The following RAPGEF4 variants were observed in gnomAD, a reference collection of about 807,000 sequenced individuals.
The protein encoded by RAPGEF4 is Rap guanine nucleotide exchange factor 4.
In RAPGEF4, 66 loss-of-function variants were observed where a neutral mutation model predicts 147.9. The observed-to-expected ratio is 0.45, with a 90% CI of 0.37 to 0.55. RAPGEF4 has a LOEUF of 0.55. Among genes scored for constraint, RAPGEF4 ranks in the 20% least tolerant of loss-of-function variants. RAPGEF4 has a pLI of 0.00. For synonymous variants in RAPGEF4, 419 were observed against 442.7 expected, an observed-to-expected ratio of 0.95 and a Z score of 0.67; for missense variants, 1,071 against 1,257.3, an observed-to-expected ratio of 0.85 and a Z score of 2.24.
At chr2:173,021,384 G>C (rs1696071723) in intron 23 of RAPGEF4, among the ~76,000 whole-genome samples, 1 of 152,224 alleles carries the variant, frequency 6.6e-6, no homozygotes, top group South Asian at 2.1e-4. Flanking sequence ...AGAGGGTAGA[G>C]AAACTGGTTT....
intron 4 of RAPGEF4, among the ~76,000 whole-genome samples, chr2:172,869,603 A>G (rs1694996290): frequency 6.6e-6 from 1 of 152,184 alleles, no homozygotes; most frequent in Non-Finnish European, 1.5e-5. Flanking sequence ...CCTCTTAGCC[A>G]TCCACCCTCT....
chr2:172,760,436 A>T (rs1320815146), intron 1 of RAPGEF4, among the ~76,000 whole-genome samples: 7 of 152,244 alleles, frequency 4.6e-5, no homozygotes, highest in African/African-American at 1.7e-4. Context: ...AAGTGAATGG[A>T]GGCTGGGCGT....
At chr2:172,751,200 T>TA (rs1695254610) in intron 1 of RAPGEF4, among the ~76,000 whole-genome samples, 1 of 152,228 alleles carries the variant, frequency 6.6e-6, no homozygotes, top group Non-Finnish European at 1.5e-5. Context: ...ACTTTCCTAC[T>TA]GTCATTCACT....
rs1686294122 is a variant in RAPGEF4, at chr2:173,051,993, G to C, written c.*226G>C. On this transcript the variant is annotated 3_prime_UTR_variant, in exon 31 of 31. Transcript: ENST00000397081. ...ACTCTAGCTTAGGAATCCCCAGTTT[G>C]TGGCTACCCTGTTTCATTTCCACTT... 4 of 366,846 alleles carry C rather than the reference G, an allele frequency of 1.1e-5. No individual in the cohort carries two copies. In the Admixed American group the frequency reaches 1.7e-4, roughly 16 times the overall value. The allele number at this position is 366,846 out of a possible 1,614,324, so 22.7% of individuals were successfully genotyped here.
chr2:172,917,760 A>G (rs763631863), intron 4 of RAPGEF4, 42 bp from the exon 5 acceptor site: 1 of 1,516,650 alleles, frequency 6.6e-7, no homozygotes, highest in Non-Finnish European at 9.1e-7. Context: ...TGCTCAAAGC[A>G]AGTAAATATC....
chr2:172,988,933 T>C (rs529953746), intron 14 of RAPGEF4, 94 bp downstream of exon 14: 2 of 1,363,038 alleles, frequency 1.5e-6, no homozygotes, highest in Non-Finnish European at 1.0e-6. Context: ...TGAGTAGTCC[T>C]GTGATGAATG....
At chr2:173,050,650 T>A (rs1428089400) in intron 30 of RAPGEF4, among the ~76,000 whole-genome samples, 1 of 150,952 alleles carries the variant, frequency 6.6e-6, no homozygotes, top group Non-Finnish European at 1.5e-5. Flanking sequence ...CCCACAGAGG[T>A]GTTGGGTCTA....
intron 3 of RAPGEF4, 116 bp downstream of exon 3, chr2:172,797,729 A>G: frequency 2.6e-6 from 2 of 774,480 alleles, no homozygotes; most frequent in Non-Finnish European, 4.2e-6. Flanking sequence ...TTCCCACAAT[A>G]AGGAGTTCAG....
In RAPGEF4 at chr2:173,030,203, C is replaced by T. The variant is rs202008176; in HGVS notation, c.2598C>T (p.Ile866=). The T allele has an allele frequency of 1.7e-5, 28 of 1,613,628 alleles. No individual in the cohort carries two copies. Among genetic ancestry groups the T allele is most frequent in the African/African-American group, 8.0e-5 (6 of 75,024 alleles). The part of the protein sequence containing the change: ...EYKNLNSFFA[I]VMGLSNVAVS... The stretch of plus-strand genomic sequence containing the variant: ...AAAATCTGAATTCCTTTTTTGCCAT[C>T]GTCATGGGACTAAGTAACGTTGCTG... The change falls in exon 26 of 31, where the codon ATC becomes ATT. Residue 866 remains isoleucine (I), a synonymous_variant. Transcript: ENST00000397081.
At chr2:172,989,018 A>T (rs1692559911) in intron 14 of RAPGEF4, among the ~76,000 whole-genome samples, 179 bp downstream of exon 14, 1 of 152,224 alleles carries the variant, frequency 6.6e-6, no homozygotes, top group African/African-American at 2.4e-5. Flanking sequence ...TGGGATCCAG[A>T]GGTTGTATTC....
chr2:172,951,812 G>A (rs1027761919), intron 6 of RAPGEF4, among the ~76,000 whole-genome samples: 1 of 152,170 alleles, frequency 6.6e-6, no homozygotes, highest in Non-Finnish European at 1.5e-5. Context: ...AGCCATTGGA[G>A]GATTTGGGGC....
chr2:172,748,672 C>T (rs144929000), intron 1 of RAPGEF4, among the ~76,000 whole-genome samples: 1,648 of 152,262 alleles, frequency 0.011, 14 homozygotes, highest in South Asian at 0.039. Flanking sequence ...AATCTCATGT[C>T]CTCACATTTC....
intron 4 of RAPGEF4, among the ~76,000 whole-genome samples, chr2:172,885,960 G>A (rs563765368): frequency 2.6e-5 from 4 of 152,136 alleles, no homozygotes; most frequent in Admixed American, 1.3e-4. Flanking sequence ...CTGCACTTCA[G>A]TATGTCTGAG....
Position 172,986,355 on chromosome 2 carries a change from GCT to G in RAPGEF4, c.1150+865_1150+866del, listed in dbSNP as rs1346284867. Among the ~76,000 whole-genome samples, 3 of 152,166 alleles carry G rather than the reference GCT, an allele frequency of 2.0e-5. No homozygotes were observed. In the East Asian group the frequency reaches 5.8e-4, roughly 29 times the overall value. On this transcript the variant is annotated intron_variant, in intron 12 of 30. Coordinates refer to ENST00000397081, the MANE Select transcript of RAPGEF4 (RefSeq NM_007023.4). ...CTTTAGAGACAGTTTGGAAAATCTTGCTCTTTCTTCAGGCTACATTGTATGAG... is the reference window on the plus strand; with the variant it reads ...CTTTAGAGACAGTTTGGAAAATCTTGCTTTCTTCAGGCTACATTGTATGAG...
Position 172,917,523 on chromosome 2 carries a change from A to T in RAPGEF4, c.445-279A>T, listed in dbSNP as rs201989048. 6.1e-4 allele frequency: 397 copies of T among 646,724 alleles called. 1 individual carries two copies. The highest frequency in any genetic ancestry group is 1.0e-3 in the Non-Finnish European group (357 of 346,390). 40.1% of individuals were successfully genotyped at this position (646,724 alleles called of 1,614,324 possible). ...GTTGGGGAGGGGTGCAGGGGGTGCT[A>T]AATATCCCACACAATTCAGGCAGCC... On this transcript the variant is annotated intron_variant, in intron 4 of 30. Transcript: ENST00000397081.
intron 4 of RAPGEF4, among the ~76,000 whole-genome samples, chr2:172,910,306 G>C (rs968028696): frequency 6.6e-6 from 1 of 152,148 alleles, no homozygotes; most frequent in Non-Finnish European, 1.5e-5. Context: ...AACACAAATA[G>C]TGTCTGCACA....
chr2:172,746,009 TA>T (rs1694735172), intron 1 of RAPGEF4, among the ~76,000 whole-genome samples: 1 of 152,248 alleles, frequency 6.6e-6, no homozygotes, highest in Non-Finnish European at 1.5e-5. Flanking sequence ...AAGATTGTAG[TA>T]TATTTTAGAA....
intron 4 of RAPGEF4, among the ~76,000 whole-genome samples, chr2:172,884,305 G>A (rs1410712024): frequency 6.6e-6 from 1 of 152,190 alleles, no homozygotes; most frequent in Non-Finnish European, 1.5e-5. Context: ...CTGTAATTTG[G>A]ATAACCAACA....
At chr2:172,770,847 A>G (rs1683493787) in intron 1 of RAPGEF4, among the ~76,000 whole-genome samples, 2 of 152,256 alleles carry the variant, frequency 1.3e-5, no homozygotes, top group African/African-American at 2.4e-5. Context: ...CAGCCTTTGG[A>G]TGGCCTGAGC....
Sources: gnomAD v4.1 joint callset for allele counts (sites outside exome capture counted in the v4.1 genomes callset) on GRCh38, gnomAD v4.1.1 for gene constraint, MANE v1.5 for transcripts, NCBI Gene and HGNC (gene_info 2026-07-23, HGNC 2026-07-21) for gene names.